FYB1: variants seen among roughly 807,000 people sequenced by gnomAD.
The protein encoded by FYB1 is FYN-binding protein 1.
Under a neutral mutation model 94.1 loss-of-function variants are expected in FYB1, and 41 were observed. The ratio of observed to expected loss-of-function variants is 0.44; its 90% confidence interval spans 0.34 to 0.57. The LOEUF is 0.57. Ranked by LOEUF, FYB1 falls within the 20% of genes least tolerant of loss-of-function variation. The pLI is 0.02. For missense variants in FYB1, 1,050 were observed against 976.8 expected (o/e 1.07, Z -1.00); for synonymous variants, 367 against 353.2 (o/e 1.04, Z -0.44).
chr5:39,222,830 A>G (rs1020163280), upstream of FYB1, among the ~76,000 whole-genome samples: 2 of 152,176 alleles, frequency 1.3e-5, no homozygotes, highest in Admixed American at 6.5e-5. Flanking sequence ...TTTGTGCAGT[A>G]ATATTATTTG....
intron 1 of FYB1, among the ~76,000 whole-genome samples, chr5:39,228,287 T>C (rs1263144053): frequency 6.6e-6 from 1 of 152,206 alleles, no homozygotes; most frequent in Non-Finnish European, 1.5e-5. Context: ...TATGACTGAA[T>C]TTCAACTTTA....
chr5:39,106,000 A>T lies in FYB1; in HGVS notation c.*1443T>A, dbSNP rs1002273769. On this transcript the variant is annotated 3_prime_UTR_variant, in exon 19 of 19. Transcript: ENST00000512982. ...TTTACAGTTATTTGAAATTATTTCA[A>T]TTCTGTGGAGCCACTTCAGAAACTC... 2 of 152,186 alleles carry T rather than the reference A, an allele frequency of 1.3e-5. No individual in the cohort carries two copies. The highest frequency in any genetic ancestry group is 4.1e-4 in the South Asian group (2 of 4,828). 9.4% of individuals were successfully genotyped at this position (152,186 alleles called of 1,614,324 possible). A position where few individuals can be genotyped will look rare whatever the true frequency, so the allele number is the denominator to read the frequency against.
intron 2 of FYB1, among the ~76,000 whole-genome samples, chr5:39,184,847 G>GATGCACAACC (rs1419056224): frequency 2.0e-5 from 3 of 152,082 alleles, no homozygotes; most frequent in Non-Finnish European, 4.4e-5. Flanking sequence ...AGCAAGAGAT[G>GATGCACAACC]ATGCACAACC....
At chr5:39,168,087 T>C (rs1744906636) in intron 2 of FYB1, among the ~76,000 whole-genome samples, 1 of 152,244 alleles carries the variant, frequency 6.6e-6, no homozygotes, top group Non-Finnish European at 1.5e-5. Context: ...TCTGTGTAAC[T>C]TTCTTACGGT....
In FYB1 at chr5:39,251,163, C is replaced by T. The variant is rs567962161; in HGVS notation, c.-28+23240G>A. On this transcript the variant is annotated intron_variant, in intron 1 of 1. Transcript: ENST00000510188. The stretch of plus-strand genomic sequence containing the variant: ...TTTTAAATTTTAGAACCTGGAAAAA[C>T]GGAAAATAGAGGCCTGTGATCTGCA... Among the ~76,000 whole-genome samples the T allele has an allele frequency of 3.3e-5, 5 of 152,108 alleles. No individual in the cohort carries two copies. In the South Asian group the frequency reaches 6.2e-4, roughly 19 times the overall value.
At chr5:39,220,430 GAAGA>G (rs966111698), upstream of FYB1, among the ~76,000 whole-genome samples, 1 of 132,894 alleles carries the variant, frequency 7.5e-6, no homozygotes, top group Non-Finnish European at 1.6e-5. Flanking sequence ...AAAAAAAAAA[GAAGA>G]AAGAAAGAAA....
chr5:39,252,584 A>G (rs888424768), intron 1 of FYB1, among the ~76,000 whole-genome samples: 4 of 152,258 alleles, frequency 2.6e-5, no homozygotes, highest in African/African-American at 9.6e-5. Flanking sequence ...CAGTATCATT[A>G]GCACAGTTAA....
intron 2 of FYB1, 128 bp from the exon 3 acceptor site, chr5:39,153,732 T>G (rs1743470687): frequency 4.0e-6 from 3 of 751,486 alleles, no homozygotes; most frequent in Non-Finnish European, 6.5e-6. Flanking sequence ...TATGGAATTT[T>G]CAATAAAGAG....
intron 2 of FYB1, chr5:39,169,832 T>TA (rs1319038809): frequency 1.3e-5 from 7 of 527,466 alleles, no homozygotes; most frequent in Non-Finnish European, 2.5e-5. Flanking sequence ...ATGGTGGTTA[T>TA]ACTGGGGTTC....
At chr5:39,150,455 C>T (rs1234188897) in intron 3 of FYB1, among the ~76,000 whole-genome samples, 1 of 152,132 alleles carries the variant, frequency 6.6e-6, no homozygotes, top group Non-Finnish European at 1.5e-5. Flanking sequence ...TAAAGCCAAC[C>T]TCCTCTGCTT....
At chr5:39,231,183 A>T (rs1429408538) in intron 1 of FYB1, among the ~76,000 whole-genome samples, 2 of 150,892 alleles carry the variant, frequency 1.3e-5, no homozygotes, top group Non-Finnish European at 2.9e-5. Context: ...AAAAAAAACA[A>T]AACAGCTGTA....
chr5:39,222,035 A>C (rs1345526684), upstream of FYB1, among the ~76,000 whole-genome samples: 1 of 151,778 alleles, frequency 6.6e-6, no homozygotes, highest in African/African-American at 2.4e-5. Flanking sequence ...AAGTAAAATA[A>C]AATAAAATAA....
At chr5:39,222,607 C>T (rs1222680595), upstream of FYB1, among the ~76,000 whole-genome samples, 1 of 152,138 alleles carries the variant, frequency 6.6e-6, no homozygotes, top group Non-Finnish European at 1.5e-5. Context: ...TATGAATGGT[C>T]TCTATGCTTA....
chr5:39,139,190 T>A, intron 5 of FYB1, 43 bp downstream of exon 5: 1 of 1,425,010 alleles, frequency 7.0e-7, no homozygotes, highest in African/African-American at 1.4e-5. Context: ...TGTGAAATAT[T>A]CTGATTATGT....
intron 14 of FYB1, 139 bp from the exon 15 acceptor site, chr5:39,119,773 T>C (rs1739915806): frequency 9.2e-7 from 1 of 1,082,118 alleles, no homozygotes; most frequent in African/African-American, 1.6e-5. Context: ...CCAGTAACTG[T>C]CATTGTAATA....
intron 1 of FYB1, among the ~76,000 whole-genome samples, chr5:39,230,865 A>G (rs1750699340): frequency 6.6e-6 from 1 of 151,416 alleles, no homozygotes; most frequent in South Asian, 2.1e-4. Context: ...ACACACACAC[A>G]CACACACACA....
At chr5:39,266,370 C>A (rs1041656171) in intron 1 of FYB1, among the ~76,000 whole-genome samples, 1 of 152,106 alleles carries the variant, frequency 6.6e-6, no homozygotes, top group African/African-American at 2.4e-5. Context: ...GAAGGTTGAG[C>A]TGGAACCCAG....
chr5:39,148,158 TATATATATATA>T (rs1561175411), intron 3 of FYB1, among the ~76,000 whole-genome samples: 41 of 5,190 alleles, frequency 7.9e-3, no homozygotes, highest in South Asian at 0.014. Flanking sequence ...GTATTTTTTA[TATATATATATA>T]TATATATATA....
intron 7 of FYB1, 126 bp from the exon 8 acceptor site, chr5:39,135,140 T>A: frequency 2.0e-6 from 2 of 1,025,626 alleles, no homozygotes; most frequent in Non-Finnish European, 2.8e-6. Flanking sequence ...TTACAGGGTT[T>A]AACCAGAAAT....
Sources: allele counts gnomAD v4.1 joint callset (sites outside exome capture counted in the v4.1 genomes callset), GRCh38; gene constraint gnomAD v4.1.1; transcripts MANE v1.5; gene names NCBI Gene and HGNC (gene_info 2026-07-23, HGNC 2026-07-21).